Variants in MRE11 observed in about 807,000 individuals in gnomAD.
MRE11 encodes the protein double-strand break repair protein MRE11.
MRE11 carries 62 observed loss-of-function variants against 91.7 expected under a neutral mutation model. The ratio of observed to expected loss-of-function variants is 0.68; its 90% CI spans 0.55 to 0.84. The LOEUF is 0.84. Among genes scored for constraint, MRE11 ranks in the 40% least tolerant of loss-of-function variants. The pLI, the probability that MRE11 is intolerant of heterozygous loss-of-function variation, is 0.00. For synonymous variants in MRE11, 273 were observed against 271.4 expected (o/e 1.01, Z -0.06); for missense variants, 796 against 852.9 (o/e 0.93, Z 0.83).
intron 4 of MRE11, among the ~76,000 whole-genome samples, chr11:94,482,151 T>G (rs1404251480): frequency 6.6e-6 from 1 of 152,210 alleles, no homozygotes; most frequent in East Asian, 1.9e-4. Flanking sequence ...GAGAAAATCT[T>G]AAGTTACCCA....
the MRE11 span, among the ~76,000 whole-genome samples, chr11:94,507,017 T>G: frequency 1.3e-5 from 2 of 152,208 alleles, no homozygotes; most frequent in African/African-American, 4.8e-5. Flanking sequence ...TTTATAGAAC[T>G]ATAGCATACA....
rs1489951044 is a variant in MRE11, at chr11:94,470,482, A to T, written c.1006T>A (p.Cys336Ser). The T allele has an allele frequency of 5.6e-6, 9 of 1,612,794 alleles. No homozygotes were observed. Among genetic ancestry groups the T allele is most frequent in the Non-Finnish European group, 7.6e-6 (9 of 1,179,136 alleles). ...PKVTQAIQSFCLEKIEEMLEN... is the reference protein window; with the variant it reads ...PKVTQAIQSFSLEKIEEMLEN... ...TCAAAAAGAATTACCTTCTCCAAAC[A>T]GAAGCTTTGTATGGCTTGGGTTACT... Residue 336 changes from cysteine (C) to serine (S), a missense_variant, in exon 9 of 20, where the codon TGT becomes AGT. Transcript: ENST00000323929.
At chr11:94,460,637 C>G (rs1946389867) in intron 12 of MRE11, among the ~76,000 whole-genome samples, 1 of 152,074 alleles carries the variant, frequency 6.6e-6, no homozygotes, top group African/African-American at 2.4e-5. Flanking sequence ...TTAAGAATGT[C>G]CCTGATTTAA....
At chr11:94,501,814 T>C in the MRE11 span, among the ~76,000 whole-genome samples, 1 of 152,276 alleles carries the variant, frequency 6.6e-6, no homozygotes, top group East Asian at 1.9e-4. Context: ...ATATCTATCT[T>C]GTTGTAGGCT....
intron 7 of MRE11, among the ~76,000 whole-genome samples, 179 bp downstream of exon 7, chr11:94,476,110 T>C (rs1196781846): frequency 6.6e-6 from 1 of 152,178 alleles, no homozygotes; most frequent in East Asian, 1.9e-4. Context: ...TTCTTGTAGG[T>C]ATTAATATAT....
At chr11:94,426,955 C>T (rs1945338354) in intron 19 of MRE11, among the ~76,000 whole-genome samples, 1 of 152,106 alleles carries the variant, frequency 6.6e-6, no homozygotes, top group African/African-American at 2.4e-5. Context: ...GATTCACAGC[C>T]ATATTCTATC....
At position 94,476,947 on chromosome 11, in the gene MRE11, G is replaced by T. The variant is rs138888788; in HGVS notation, c.545-544C>A. Among the ~76,000 whole-genome samples, 903 of 151,938 alleles carry T rather than the reference G, an allele frequency of 5.9e-3. 5 individuals carry two copies. Among genetic ancestry groups the T allele is most frequent in the African/African-American group, 0.02 (816 of 41,434 alleles). On this transcript the variant is annotated intron_variant, in intron 6 of 19. Transcript: ENST00000323929. ...GTTGGACAGGCTGGTCTTGAACTCC[G>T]GACCTCAAGTGATCTACCTGCCTTG... is the stretch of plus-strand genomic sequence containing the variant.
chr11:94,496,371 A>T (rs1947418561), upstream of MRE11, among the ~76,000 whole-genome samples: 1 of 152,168 alleles, frequency 6.6e-6, no homozygotes, highest in Non-Finnish European at 1.5e-5. Context: ...AATAATAGTT[A>T]TAATAATATA....
chr11:94,445,871 A>G lies in MRE11; in HGVS notation c.1806T>C (p.Ser602=). The change falls in exon 16 of 20, where the codon TCT becomes TCC. Residue 602 remains serine (S), a synonymous_variant. Coordinates refer to ENST00000323929, the MANE Select transcript of MRE11 (RefSeq NM_005591.4). The stretch of plus-strand genomic sequence containing the variant: ...CAGTCTTTGAGTTCCTGCTACGGGT[A>G]GAAGTCTCCAGACCAGTGTCTGCTG... ...RGRADTGLET[S]TRSRNSKTAV... 6.2e-7 allele frequency: 1 copy of G among 1,613,720 alleles called. No homozygotes were observed. Among genetic ancestry groups the G allele is most frequent in the Non-Finnish European group, 8.5e-7 (1 of 1,179,604 alleles).
intron 19 of MRE11, among the ~76,000 whole-genome samples, chr11:94,429,447 C>T (rs749823379): frequency 3.3e-5 from 5 of 152,108 alleles, no homozygotes; most frequent in East Asian, 1.9e-4. Context: ...CCCATCAATA[C>T]GGATTGGATA....
chr11:94,474,597 A>G (rs1323671940), intron 7 of MRE11, among the ~76,000 whole-genome samples: 1 of 152,222 alleles, frequency 6.6e-6, no homozygotes, highest in African/African-American at 2.4e-5. Context: ...TGCTAAAATT[A>G]GCGAGTAAAA....
At chr11:94,459,610 A>C in intron 12 of MRE11, 29 bp from the exon 13 acceptor site, 2 of 1,607,406 alleles carry the variant, frequency 1.2e-6, no homozygotes, top group Non-Finnish European at 1.7e-6. Flanking sequence ...TGGATGCAGA[A>C]ATAGTTTTTA....
the MRE11 span, among the ~76,000 whole-genome samples, chr11:94,499,834 C>G: frequency 2.0e-5 from 3 of 152,292 alleles, no homozygotes; most frequent in South Asian, 6.2e-4. Context: ...AGGCTTATCT[C>G]TTTCAAGCCA....
intron 16 of MRE11, among the ~76,000 whole-genome samples, chr11:94,440,493 C>G (rs979977627): frequency 2.6e-5 from 4 of 151,960 alleles, no homozygotes; most frequent in African/African-American, 9.7e-5. Context: ...AATTACCAGG[C>G]CAAAACTGAA....
chr11:94,471,455 C>G lies in MRE11; in HGVS notation c.845+119G>C, dbSNP rs144738856. On this transcript the variant is annotated intron_variant, in intron 8 of 19. Coordinates refer to ENST00000323929, the MANE Select transcript of MRE11 (RefSeq NM_005591.4). The stretch of plus-strand genomic sequence containing the variant: ...GATCAATTTTCAAAAATAAAGCTAT[C>G]ATATAAATGACAATACTGCCAGTTA... The G allele has an allele frequency of 2.6e-4, 232 of 889,018 alleles. No individual in the cohort carries two copies. In the East Asian group the frequency reaches 5.1e-3, roughly 19 times the overall value. The allele number at this position is 889,018 out of a possible 1,614,324, so 55.1% of individuals were successfully genotyped here. A position where few individuals can be genotyped will look rare whatever the true frequency, so the allele number is the denominator to read the frequency against.
intron 10 of MRE11, among the ~76,000 whole-genome samples, chr11:94,467,414 T>C (rs1946591784): frequency 1.3e-5 from 2 of 151,692 alleles, no homozygotes; most frequent in South Asian, 2.1e-4. Flanking sequence ...GGAGAGAAGG[T>C]AGGGGCTGCA....
At chr11:94,471,537 A>T (rs1848012920) in intron 8 of MRE11, 37 bp downstream of exon 8, 1 of 1,599,274 alleles carries the variant, frequency 6.3e-7, no homozygotes, top group South Asian at 1.1e-5. Flanking sequence ...TATAGCAAAG[A>T]TTTCTTAAAA....
rs1947105630 is a variant in MRE11, at chr11:94,485,102, A to ACTCGCCTGTAATCCCAGCTT, written c.314+821_314+822insAAGCTGGGATTACAGGCGAG. On this transcript the variant is annotated intron_variant, in intron 4 of 19. Transcript: ENST00000323929. ...GTGATGGGCGCCTGTAATCCCAGCT[A>ACTCGCCTGTAATCCCAGCTT]CTCACCTGTAATCCCAACTACTCGC... Among the ~76,000 whole-genome samples the ACTCGCCTGTAATCCCAGCTT allele has an allele frequency of 3.3e-5, 5 of 151,546 alleles. No homozygotes were observed. The South Asian group carries it at 1.1e-3, about 32-fold the overall frequency.
chr11:94,490,834 T>C lies in MRE11; in HGVS notation c.152A>G (p.Glu51Gly), dbSNP rs1591726479. The part of the protein sequence containing the change: ...DEILRLAQEN[E>G]VDFILLGGDL... ...TGCACAAATACAAACCACACTCACT[T>C]CATTTTCCTGGGCAAGTCTTAAAAT... Residue 51 changes from glutamate to glycine, a missense_variant and splice_region_variant, in exon 3 of 20, where the codon GAA (glutamate) becomes GGA (glycine). Glu to Gly is a moderately conservative substitution (Grantham distance 98, BLOSUM62 -2). Transcript: ENST00000323929. 1 of 1,613,672 alleles carries C rather than the reference T, an allele frequency of 6.2e-7. No homozygotes were observed. Among genetic ancestry groups the C allele is most frequent in the Non-Finnish European group, 8.5e-7 (1 of 1,179,780 alleles).
Sources: allele counts gnomAD v4.1 joint callset (sites outside exome capture counted in the v4.1 genomes callset), GRCh38; gene constraint gnomAD v4.1.1; transcripts MANE v1.5; gene names NCBI Gene and HGNC (gene_info 2026-07-23, HGNC 2026-07-21).